The following MALRD1 variants were observed in gnomAD, a reference collection of about 807,000 sequenced individuals.
MALRD1 encodes the protein MAM and LDL-receptor class A domain-containing protein 1.
A neutral mutation model predicts 242.1 loss-of-function variants in MALRD1; 247 were observed. The ratio of observed to expected loss-of-function variants is 1.02; its 90% confidence interval spans 0.92 to 1.13. The LOEUF (loss-of-function observed/expected upper bound fraction) is 1.13, where lower values mean the gene tolerates loss of function less well. Among genes scored for constraint, MALRD1 ranks in the 50% most tolerant of loss-of-function variants. The pLI is 0.00. For missense variants in MALRD1, 2,989 were observed against 2,533.1 expected (o/e 1.18, Z -3.86); for synonymous variants, 995 against 866.6 (o/e 1.15, Z -2.60).
intron 29 of MALRD1, among the ~76,000 whole-genome samples, chr10:19,456,505 G>C (rs1835655493): frequency 6.6e-6 from 1 of 152,032 alleles, no homozygotes; most frequent in South Asian, 2.1e-4. Flanking sequence ...AACAGTGATT[G>C]CTTTATATAA....
intron 32 of MALRD1, among the ~76,000 whole-genome samples, chr10:19,545,446 G>T (rs1835168767): frequency 6.6e-6 from 1 of 152,144 alleles, no homozygotes; most frequent in Non-Finnish European, 1.5e-5. Context: ...GGAAAGATTG[G>T]TTGGGTATAG....
At chr10:19,641,981 A>T (rs1471567925) in intron 36 of MALRD1, among the ~76,000 whole-genome samples, 2 of 152,152 alleles carry the variant, frequency 1.3e-5, no homozygotes, top group African/African-American at 4.8e-5. Flanking sequence ...GAAAAAAAAG[A>T]TTAATGCATA....
At chr10:19,704,375 C>A (rs1476074536) in intron 38 of MALRD1, among the ~76,000 whole-genome samples, 1 of 152,188 alleles carries the variant, frequency 6.6e-6, no homozygotes, top group Non-Finnish European at 1.5e-5. Flanking sequence ...GGCTTGCAGG[C>A]AGCCACCTTC....
chr10:19,305,842 A>G (rs1408289199), intron 21 of MALRD1, among the ~76,000 whole-genome samples: 1 of 136,524 alleles, frequency 7.3e-6, no homozygotes, highest in African/African-American at 2.7e-5. Flanking sequence ...ACTATATATT[A>G]TGTATATACT....
chr10:19,677,534 ATTTG>A (rs1400670848), intron 36 of MALRD1, among the ~76,000 whole-genome samples: 1 of 151,894 alleles, frequency 6.6e-6, no homozygotes, highest in Non-Finnish European at 1.5e-5. Flanking sequence ...ATTTTTGTAA[ATTTG>A]TTTAAGTCCC....
At chr10:19,130,442 G>A (rs1833057240) in intron 8 of MALRD1, among the ~76,000 whole-genome samples, 1 of 152,084 alleles carries the variant, frequency 6.6e-6, no homozygotes, top group South Asian at 2.1e-4. Context: ...TTAAATTACA[G>A]TTCAAATGGT....
chr10:19,209,802 C>A, intron 18 of MALRD1, 122 bp downstream of exon 18: 1 of 922,370 alleles, frequency 1.1e-6, no homozygotes, highest in Non-Finnish European at 1.6e-6. Flanking sequence ...CATTGAGACA[C>A]ATTTATCATT....
intron 4 of MALRD1, among the ~76,000 whole-genome samples, chr10:19,096,505 G>T (rs567181286): frequency 3.3e-5 from 5 of 152,308 alleles, no homozygotes; most frequent in African/African-American, 1.2e-4. Flanking sequence ...GGCTACACCA[G>T]CCTTTTCGGA....
At chr10:19,101,299 T>A (rs1165514035) in intron 4 of MALRD1, among the ~76,000 whole-genome samples, 1 of 146,410 alleles carries the variant, frequency 6.8e-6, no homozygotes, top group Non-Finnish European at 1.5e-5. Flanking sequence ...ATATAACATA[T>A]ATCTATATTA....
Position 19,696,865 on chromosome 10 carries a change from G to A in MALRD1, c.6314+4311G>A, listed in dbSNP as rs139084348. 6.5e-3 allele frequency among the ~76,000 whole-genome samples: 985 copies of A among 152,164 alleles called. 3 individuals carry two copies. Among genetic ancestry groups the A allele is most frequent in the South Asian group, 0.011 (53 of 4,816 alleles). ...TGGGAGGCAGAGGTTGCAGTGAGCT[G>A]AGGTCACGCCACCACACTCCAACCT... On this transcript the variant is annotated intron_variant, in intron 38 of 39. Transcript: ENST00000454679.
chr10:19,162,996 G>T (rs1428649411), intron 12 of MALRD1, among the ~76,000 whole-genome samples: 2 of 151,364 alleles, frequency 1.3e-5, no homozygotes, highest in Admixed American at 6.6e-5. Context: ...AAATTAGCTG[G>T]GTGTGGTGGT....
chr10:19,196,870 T>C (rs1836285206), intron 14 of MALRD1, among the ~76,000 whole-genome samples: 1 of 152,224 alleles, frequency 6.6e-6, no homozygotes. Flanking sequence ...CAATTAATCC[T>C]GTCATGTCTG....
chr10:19,180,940 C>A (rs1835475541), intron 14 of MALRD1, among the ~76,000 whole-genome samples: 1 of 152,028 alleles, frequency 6.6e-6, no homozygotes, highest in Non-Finnish European at 1.5e-5. Flanking sequence ...TAAAAATAAT[C>A]AACTGGTATA....
intron 10 of MALRD1, among the ~76,000 whole-genome samples, chr10:19,137,304 G>A (rs899910931): frequency 1.2e-4 from 18 of 151,800 alleles, no homozygotes; most frequent in Middle Eastern, 3.4e-3. Context: ...CCTCTTACTT[G>A]CCTAGAAAAC....
chr10:19,265,362 G>A (rs754529937), intron 19 of MALRD1, among the ~76,000 whole-genome samples: 1 of 151,430 alleles, frequency 6.6e-6, no homozygotes, highest in Non-Finnish European at 1.5e-5. Context: ...TTAGGTATTC[G>A]GTACTATAAA....
intron 14 of MALRD1, among the ~76,000 whole-genome samples, chr10:19,183,111 G>T: frequency 9.1e-6 from 1 of 110,472 alleles, no homozygotes; most frequent in Non-Finnish European, 1.9e-5. Context: ...GTCTTATTTT[G>T]AGGGTTTTTT....
At chr10:19,237,921 A>G (rs1838450812) in intron 18 of MALRD1, among the ~76,000 whole-genome samples, 1 of 63,878 alleles carries the variant, frequency 1.6e-5, no homozygotes, top group African/African-American at 8.5e-5. Context: ...GTTATATATA[A>G]TTATATGTAA....
intron 31 of MALRD1, among the ~76,000 whole-genome samples, chr10:19,525,361 C>T (rs1834059994): frequency 6.6e-6 from 1 of 151,992 alleles, no homozygotes; most frequent in Non-Finnish European, 1.5e-5. Context: ...ATTTTTAACC[C>T]TCTGCTGACA....
intron 18 of MALRD1, among the ~76,000 whole-genome samples, chr10:19,245,223 A>T (rs1838989990): frequency 6.6e-6 from 1 of 152,200 alleles, no homozygotes; most frequent in Admixed American, 6.5e-5. Flanking sequence ...ATTTTTAACT[A>T]TAATCTAGGT....
Sources: allele counts gnomAD v4.1 joint callset (sites outside exome capture counted in the v4.1 genomes callset), GRCh38; gene constraint gnomAD v4.1.1; transcripts MANE v1.5; gene names NCBI Gene and HGNC (gene_info 2026-07-23, HGNC 2026-07-21).